LRP1B: variants seen among roughly 807,000 people sequenced by gnomAD.
The protein encoded by LRP1B is LDL receptor related protein 1B.
A neutral mutation model predicts 556.6 loss-of-function variants in LRP1B; 217 were observed. That is an observed-to-expected ratio of 0.39 (90% CI 0.35 to 0.44). The LOEUF (loss-of-function observed/expected upper bound fraction) is 0.44, where lower values mean the gene tolerates loss of function less well. Ranked by LOEUF, LRP1B falls within the 20% of genes least tolerant of loss-of-function variation. The pLI, the probability that LRP1B is intolerant of heterozygous loss-of-function variation, is 1.00. For missense variants in LRP1B, 5,053 were observed against 5,620.8 expected (o/e 0.90, Z 3.23); for synonymous variants, 2,047 against 1,865.8 (o/e 1.10, Z -2.50).
chr2:140,506,213 A>G (rs2104904796), intron 53 of LRP1B, among the ~76,000 whole-genome samples: 1 of 152,156 alleles, frequency 6.6e-6, no homozygotes, highest in African/African-American at 2.4e-5. Flanking sequence ...ACGTTAAACC[A>G]AAGACATTTT....
At chr2:140,528,404 A>G (rs1346192862) in intron 47 of LRP1B, among the ~76,000 whole-genome samples, 1 of 151,984 alleles carries the variant, frequency 6.6e-6, no homozygotes, top group Non-Finnish European at 1.5e-5. Flanking sequence ...GTAGTAATTT[A>G]AAAAACTGTA....
At chr2:141,161,920 G>C (rs954429571) in intron 7 of LRP1B, among the ~76,000 whole-genome samples, 2 of 152,180 alleles carry the variant, frequency 1.3e-5, no homozygotes, top group East Asian at 1.9e-4. Flanking sequence ...TGTATGCTTC[G>C]ATGAAAGAAG....
intron 87 of LRP1B, among the ~76,000 whole-genome samples, chr2:140,242,499 A>AAAAT (rs1241558330): frequency 1.3e-5 from 2 of 151,212 alleles, no homozygotes; most frequent in African/African-American, 4.8e-5. Context: ...CCAGACCCTG[A>AAAAT]AAATATACTC....
intron 2 of LRP1B, among the ~76,000 whole-genome samples, chr2:141,637,904 C>A (rs998332386): frequency 6.6e-6 from 1 of 152,124 alleles, no homozygotes; most frequent in African/African-American, 2.4e-5. Context: ...AATTGGTTCA[C>A]AAGAGATCTG....
intron 1 of LRP1B, among the ~76,000 whole-genome samples, chr2:142,069,867 T>A (rs1475618062): frequency 1.3e-5 from 2 of 151,766 alleles, no homozygotes; most frequent in African/African-American, 4.8e-5. Context: ...CTAATCAACA[T>A]GTTTGCTTTA....
chr2:140,677,073 G>A (rs1249865313), intron 41 of LRP1B, among the ~76,000 whole-genome samples: 2 of 152,322 alleles, frequency 1.3e-5, no homozygotes, highest in East Asian at 3.9e-4. Flanking sequence ...ATAGAGATTA[G>A]CAATGGCATT....
At chr2:141,763,849 T>C (rs1384905235) in intron 2 of LRP1B, among the ~76,000 whole-genome samples, 1 of 151,692 alleles carries the variant, frequency 6.6e-6, no homozygotes, top group Admixed American at 6.6e-5. Context: ...TTAGGCAAAA[T>C]GATTTCAAGT....
chr2:142,095,226 A>C (rs1283018944), intron 1 of LRP1B, among the ~76,000 whole-genome samples: 1 of 151,700 alleles, frequency 6.6e-6, no homozygotes, highest in African/African-American at 2.4e-5. Flanking sequence ...CAAGATGTGA[A>C]GCAATGCACA....
intron 21 of LRP1B, among the ~76,000 whole-genome samples, chr2:140,914,952 C>T (rs534407864): frequency 1.2e-4 from 18 of 152,278 alleles, no homozygotes; most frequent in African/African-American, 4.1e-4. Flanking sequence ...ATCTATTCTA[C>T]AGATCAGAAA....
At chr2:140,719,651 T>G (rs548284088) in intron 35 of LRP1B, among the ~76,000 whole-genome samples, 1 of 152,178 alleles carries the variant, frequency 6.6e-6, no homozygotes, top group East Asian at 1.9e-4. Flanking sequence ...TATAGTCACA[T>G]GTACTATAGG....
At chr2:140,654,326 T>C (rs143530649) in intron 41 of LRP1B, among the ~76,000 whole-genome samples, 6 of 152,224 alleles carry the variant, frequency 3.9e-5, no homozygotes, top group African/African-American at 1.4e-4. Flanking sequence ...ATCTTACTAT[T>C]GTGAGCAAAT....
chr2:140,545,694 TAC>T (rs2105032107), intron 43 of LRP1B, among the ~76,000 whole-genome samples: 1 of 152,218 alleles, frequency 6.6e-6, no homozygotes, highest in Admixed American at 6.6e-5. Flanking sequence ...AGCCCTGTAG[TAC>T]AGTTTGAAGT....
chr2:141,483,113 TCCCCCC>T (rs1682985721), intron 2 of LRP1B, among the ~76,000 whole-genome samples: 1 of 92,446 alleles, frequency 1.1e-5, no homozygotes, highest in Non-Finnish European at 2.1e-5. Context: ...TCCCTCCCCC[TCCCCCC>T]ACCCCACAAC....
chr2:141,262,017 C>T (rs887348351), intron 3 of LRP1B, among the ~76,000 whole-genome samples: 14 of 152,118 alleles, frequency 9.2e-5, no homozygotes, highest in African/African-American at 3.4e-4. Flanking sequence ...ATCAATCTTC[C>T]AGCTACTCTA....
chr2:141,087,189 A>AGTATGTATTTGGT (rs111254464), intron 7 of LRP1B, among the ~76,000 whole-genome samples: 117,714 of 148,490 alleles, frequency 0.79, 45,917 homozygotes, highest in East Asian at 0.87. Context: ...AATACTAGTG[A>AGTATGTATTTGGT]GTATTATGCT....
chr2:141,967,497 A>C (rs147425845), intron 1 of LRP1B, among the ~76,000 whole-genome samples: 2 of 152,010 alleles, frequency 1.3e-5, no homozygotes, highest in African/African-American at 4.8e-5. Context: ...TTCTTATCGA[A>C]GTGCTAGATT....
At position 141,722,313 on chromosome 2, in the gene LRP1B, G is replaced by T. The variant is rs574690857; in HGVS notation, c.205+87966C>A. Among the ~76,000 whole-genome samples the T allele has an allele frequency of 2.0e-4, 30 of 152,280 alleles. No homozygotes were observed. The Middle Eastern group carries it at 0.014, about 69-fold the overall frequency. On this transcript the variant is annotated intron_variant, in intron 2 of 90. Coordinates refer to ENST00000389484, the MANE Select transcript of LRP1B (RefSeq NM_018557.3). ...GAATCGCTTGAACCTGGGAGGTGGA[G>T]GTTGCAGTGAGCCAAGATGGCGCCA...
chr2:140,436,789 C>T (rs936486901), intron 66 of LRP1B, among the ~76,000 whole-genome samples: 1 of 151,942 alleles, frequency 6.6e-6, no homozygotes, highest in Non-Finnish European at 1.5e-5. Context: ...ATCAGCTGCA[C>T]ATATTCTCAA....
chr2:140,968,767 C>T (rs113527372), intron 18 of LRP1B, among the ~76,000 whole-genome samples: 1 of 152,142 alleles, frequency 6.6e-6, no homozygotes, highest in Non-Finnish European at 1.5e-5. Context: ...ATCTTTATTT[C>T]TGCCTTCATT....
Sources: gnomAD v4.1 joint callset for allele counts (sites outside exome capture counted in the v4.1 genomes callset) on GRCh38, gnomAD v4.1.1 for gene constraint, MANE v1.5 for transcripts, NCBI Gene and HGNC (gene_info 2026-07-23, HGNC 2026-07-21) for gene names.